The following ERCC6 variants were observed in gnomAD, a reference collection of about 807,000 sequenced individuals.
The protein encoded by ERCC6 is DNA excision repair protein ERCC-6.
Under a neutral mutation model 158.7 loss-of-function variants are expected in ERCC6, and 116 were observed. The observed-to-expected ratio is 0.73, with a 90% CI of 0.63 to 0.85. The LOEUF is 0.85. Ranked by LOEUF, ERCC6 falls within the 40% of genes least tolerant of loss-of-function variation. The pLI is 0.00. For missense variants in ERCC6, 1,698 were observed against 1,799.4 expected (o/e 0.94, Z 1.02); for synonymous variants, 678 against 659.3 (o/e 1.03, Z -0.43).
chr10:49,524,635 A>G lies in ERCC6; in HGVS notation c.795T>C (p.Leu265=), dbSNP rs113887203. The part of the protein sequence containing the change: ...KQEKKPRKIM[L]NEASGFEKYL... Reference sequence around the variant, plus strand: ...ACTTTTCGAAGCCTGATGCTTCATTAAGCATGATTTTTCTGGGCTTTTTCT... The same window carrying G: ...ACTTTTCGAAGCCTGATGCTTCATTGAGCATGATTTTTCTGGGCTTTTTCT... Residue 265 remains leucine (L), a synonymous_variant, in exon 5 of 21, where the codon CTT becomes CTC. Coordinates refer to ENST00000355832, the MANE Select transcript of ERCC6 (RefSeq NM_000124.4). 211 of 1,614,182 alleles carry G rather than the reference A, an allele frequency of 1.3e-4. 1 individual carries two copies. The African/African-American group carries it at 2.1e-3, about 16-fold the overall frequency.
rs527236039 is a variant in ERCC6 at position 49,530,715 on chromosome 10, AT to A, written c.543+4del. ...AATGCAATACTGAATGTTATTCTGA[AT>A]CACCTTATTATACTTCTGTCGTTTT... On this transcript the variant is annotated splice_donor_region_variant and intron_variant, in intron 3 of 20. Coordinates refer to ENST00000355832, the MANE Select transcript of ERCC6 (RefSeq NM_000124.4). 6 of 1,612,678 alleles carry A rather than the reference AT, an allele frequency of 3.7e-6. No homozygotes were observed. Among genetic ancestry groups the A allele is most frequent in the Non-Finnish European group, 5.1e-6 (6 of 1,179,578 alleles).
At chr10:49,522,832 A>G in intron 5 of ERCC6, among the ~76,000 whole-genome samples, 1 of 152,232 alleles carries the variant, frequency 6.6e-6, no homozygotes, top group East Asian at 1.9e-4. Context: ...CAGAAACGAA[A>G]GCTGTGCTGA....
chr10:49,520,521 T>C (rs529049168), intron 5 of ERCC6, among the ~76,000 whole-genome samples: 19 of 152,200 alleles, frequency 1.2e-4, no homozygotes, highest in Non-Finnish European at 2.5e-4. Context: ...AACCCATCTA[T>C]GCCCTGCAGC....
Position 49,482,774 on chromosome 10 carries a change from C to A in ERCC6, c.2082G>T (p.Pro694=), listed in dbSNP as rs35182583. ...ACACAGGCAACGTGCCTAACTTTCC[C>A]GGGAAGATGAAGTCAAAGAGCGACC... is the stretch of plus-strand genomic sequence containing the variant. The part of the protein sequence containing the change: ...ELWSLFDFIF[P]GKLGTLPVFM... Residue 694 remains proline (P), a synonymous_variant, in exon 10 of 21, where the codon CCG becomes CCT. Coordinates refer to ENST00000355832, the MANE Select transcript of ERCC6 (RefSeq NM_000124.4). The A allele has an allele frequency of 6.2e-7, 1 of 1,613,348 alleles. No homozygotes were observed. The highest frequency in any genetic ancestry group is 2.2e-5 in the East Asian group (1 of 44,852).
At chr10:49,500,811 G>A in intron 6 of ERCC6, 115 bp from the exon 7 acceptor site, 1 of 1,044,084 alleles carries the variant, frequency 9.6e-7, no homozygotes, top group Non-Finnish European at 1.5e-6. Context: ...ACCAGTCAGA[G>A]AAACATGCGG....
the ERCC6 span, among the ~76,000 whole-genome samples, chr10:49,438,366 G>T: frequency 6.6e-6 from 1 of 152,158 alleles, no homozygotes; most frequent in South Asian, 2.1e-4. Context: ...CATGGCAGTG[G>T]CAAGAGAAAG....
Position 49,470,855 on chromosome 10 carries a change from A to G in ERCC6, c.3105T>C (p.His1035=). The part of the protein sequence containing the change: ...TGSDVQTPKC[H]LKRRIQPAFG... ...AGGCTGGTTGAATCCTTCTTTTTAG[A>G]TGGCATTTGGGTGTCTGAACATCTG... is the stretch of plus-strand genomic sequence containing the variant. Residue 1035 remains histidine, a synonymous_variant, in exon 18 of 21, where the codon CAT becomes CAC. Coordinates refer to ENST00000355832, the MANE Select transcript of ERCC6 (RefSeq NM_000124.4). The G allele has an allele frequency of 1.2e-6, 2 of 1,614,002 alleles. No homozygotes were observed. The highest frequency in any genetic ancestry group is 4.5e-5 in the East Asian group (2 of 44,872).
the ERCC6 span, among the ~76,000 whole-genome samples, chr10:49,442,762 T>C: frequency 2.0e-5 from 3 of 152,214 alleles, no homozygotes; most frequent in Non-Finnish European, 1.5e-5. Flanking sequence ...ACAATTACCT[T>C]CTCAAGCTGC....
At chr10:49,524,987 C>G (rs924732873) in intron 4 of ERCC6, 1 of 1,297,932 alleles carries the variant, frequency 7.7e-7, no homozygotes, top group African/African-American at 1.5e-5. Context: ...AAAAAGACAA[C>G]TTCTCAGTAA....
intron 18 of ERCC6, among the ~76,000 whole-genome samples, chr10:49,467,876 T>C (rs1353081401): frequency 2.6e-5 from 4 of 152,116 alleles, no homozygotes; most frequent in African/African-American, 9.7e-5. Flanking sequence ...CCAGTAATTT[T>C]TTATTGGGTT....
chr10:49,452,799 AC>A (rs796558315), downstream of ERCC6, among the ~76,000 whole-genome samples: 18 of 150,844 alleles, frequency 1.2e-4, 1 homozygote, highest in African/African-American at 3.9e-4. Context: ...TGATGGGTTA[AC>A]CTTTTTATCA....
intron 10 of ERCC6, among the ~76,000 whole-genome samples, chr10:49,480,404 T>A (rs565079376): frequency 1.3e-5 from 2 of 152,328 alleles, no homozygotes; most frequent in Admixed American, 1.3e-4. Context: ...AGCACCAGCA[T>A]GACAGAATAA....
At chr10:49,524,841 G>C (rs1837274744) in intron 4 of ERCC6, 64 bp from the exon 5 acceptor site, 2 of 1,589,310 alleles carry the variant, frequency 1.3e-6, no homozygotes, top group South Asian at 1.1e-5. Context: ...CAAAAGAAAT[G>C]CTCACTCTTT....
intron 10 of ERCC6, among the ~76,000 whole-genome samples, chr10:49,478,680 T>TA (rs1434259508): frequency 6.6e-6 from 1 of 152,084 alleles, no homozygotes; most frequent in Admixed American, 6.6e-5. Context: ...TATTATCAGT[T>TA]AAAAAAATTA....
At chr10:49,513,440 T>C (rs1355183675) in intron 5 of ERCC6, among the ~76,000 whole-genome samples, 1 of 152,238 alleles carries the variant, frequency 6.6e-6, no homozygotes, top group Non-Finnish European at 1.5e-5. Flanking sequence ...TATTAATTCA[T>C]TTAATCTTTA....
chr10:49,436,568 T>A, the ERCC6 span, among the ~76,000 whole-genome samples: 1 of 152,110 alleles, frequency 6.6e-6, no homozygotes, highest in Admixed American at 6.6e-5. Flanking sequence ...CCATTAGACA[T>A]AAAGAAAATC....
In ERCC6 at chr10:49,530,815, T is replaced by A. The variant is rs1837452211; in HGVS notation, c.448A>T (p.Ile150Phe). The A allele has an allele frequency of 6.2e-6, 10 of 1,613,758 alleles. No homozygotes were observed. The highest frequency in any genetic ancestry group is 7.6e-6 in the Non-Finnish European group (9 of 1,179,838). ...LTSCTTSLRQINKIIEQLSPQ... is the reference protein window; with the variant it reads ...LTSCTTSLRQFNKIIEQLSPQ... ...CTAAGCTGTTCAATAATTTTATTGA[T>A]TTGCCTTAGGGATGTCGTACATGAC... The change falls in exon 3 of 21, where the codon ATC becomes TTC. Residue 150 changes from isoleucine to phenylalanine, a missense_variant. Physicochemically the swap from Ile to Phe is conservative, Grantham distance 21. Transcript: ENST00000355832.
At chr10:49,448,727 A>G in the ERCC6 span, among the ~76,000 whole-genome samples, 4 of 152,224 alleles carry the variant, frequency 2.6e-5, no homozygotes, top group African/African-American at 4.8e-5. Flanking sequence ...ATGGGATCAT[A>G]GCATGTGGTC....
chr10:49,505,750 C>T, intron 6 of ERCC6, 134 bp downstream of exon 6: 2 of 958,042 alleles, frequency 2.1e-6, no homozygotes, highest in Non-Finnish European at 3.2e-6. Context: ...TTTCATTTGA[C>T]AGTATCTGTT....
Sources: gnomAD v4.1 joint callset for allele counts (sites outside exome capture counted in the v4.1 genomes callset) on GRCh38, gnomAD v4.1.1 for gene constraint, MANE v1.5 for transcripts, NCBI Gene and HGNC (gene_info 2026-07-23, HGNC 2026-07-21) for gene names.